The following MYO5C variants were observed in gnomAD, a reference collection of about 807,000 sequenced individuals.
The protein encoded by MYO5C is unconventional myosin-Vc.
In MYO5C, 194 loss-of-function variants were observed where a neutral mutation model predicts 235.7. That is an observed-to-expected ratio of 0.82 (90% confidence interval 0.73 to 0.93). The LOEUF is 0.93. Among genes scored for constraint, MYO5C ranks in the 40% least tolerant of loss-of-function variants. The pLI, the probability that MYO5C is intolerant of heterozygous loss-of-function variation, is 0.00. For missense variants in MYO5C, 2,038 were observed against 2,127.2 expected (o/e 0.96, Z 0.82); for synonymous variants, 707 against 754.8 (o/e 0.94, Z 1.04).
rs369722659 is a variant in MYO5C at position 52,225,205 on chromosome 15, C to T, written c.3302-67G>A. ...TGATTTATCTTTTCCCATTCCCTTT[C>T]CAGGGCCCAGTTTTCTAGCTTCACA... On this transcript the variant is annotated intron_variant, in intron 26 of 40. Coordinates refer to ENST00000261839, the MANE Select transcript of MYO5C (RefSeq NM_018728.4). 10 of 1,547,162 alleles carry T rather than the reference C, an allele frequency of 6.5e-6. No individual in the cohort carries two copies. The South Asian group carries it at 9.1e-5, about 14-fold the overall frequency.
intron 1 of MYO5C, among the ~76,000 whole-genome samples, chr15:52,289,634 A>T (rs1448112208): frequency 6.7e-6 from 1 of 148,914 alleles, no homozygotes; most frequent in East Asian, 2.0e-4. Context: ...TCCTCTCTTG[A>T]CTGGTGCAGC....
chr15:52,248,612 T>C (rs998352314), intron 14 of MYO5C, 88 bp downstream of exon 14: 1 of 941,180 alleles, frequency 1.1e-6, no homozygotes, highest in Non-Finnish European at 1.7e-6. Context: ...ACACACTCTC[T>C]CTCTCTCTCT....
chr15:52,197,058 G>T (rs1183887113), intron 38 of MYO5C, among the ~76,000 whole-genome samples: 1 of 152,180 alleles, frequency 6.6e-6, no homozygotes, highest in Non-Finnish European at 1.5e-5. Flanking sequence ...AAATGGTACA[G>T]CTGTTGTGGA....
rs778951391 is a variant in MYO5C at position 52,242,151 on chromosome 15, C to G, written c.2453G>C (p.Cys818Ser). ...CAGGCTGCGAACAAGATACCCGCGG[C>G]AGTGCTTCTGAATGATTATGGCTGC... is the stretch of plus-strand genomic sequence containing the variant. ...AWAAIIIQKHCRGYLVRSLYQ... is the reference protein window; with the variant it reads ...AWAAIIIQKHSRGYLVRSLYQ... The change falls in exon 20 of 41, where the codon TGC (cysteine) becomes TCC (serine). Residue 818 changes from cysteine to serine, a missense_variant. Cys to Ser is a moderately radical substitution (Grantham distance 112). Transcript: ENST00000261839. 5.6e-6 allele frequency: 9 copies of G among 1,614,164 alleles called. No homozygotes were observed. The South Asian group carries it at 9.9e-5, about 18-fold the overall frequency.
At chr15:52,222,606 T>TG (rs1471560564) in intron 29 of MYO5C, among the ~76,000 whole-genome samples, 1 of 151,356 alleles carries the variant, frequency 6.6e-6, no homozygotes. Context: ...CAGCCAGTGG[T>TG]GGGGACACAC....
chr15:52,257,113 C>G (rs1365499829), intron 10 of MYO5C, among the ~76,000 whole-genome samples: 1 of 152,354 alleles, frequency 6.6e-6, no homozygotes, highest in African/African-American at 2.4e-5. Flanking sequence ...TGCGAAGCTG[C>G]CTGACTGTGA....
At chr15:52,256,579 A>ACGCG (rs1434146230) in intron 11 of MYO5C, 60 bp downstream of exon 11, 1 of 950,538 alleles carries the variant, frequency 1.1e-6, no homozygotes, top group African/African-American at 1.9e-5. Context: ...ACACACACAC[A>ACGCG]CACACACACG....
intron 24 of MYO5C, 54 bp from the exon 25 acceptor site, chr15:52,229,367 G>A (rs2035900605): frequency 2.6e-6 from 4 of 1,559,680 alleles, no homozygotes; most frequent in South Asian, 2.3e-5. Flanking sequence ...GCTGAAACCT[G>A]TAATCCCAGC....
rs758308869 is a variant in MYO5C, at chr15:52,295,674, C to A, written c.-38G>T. On this transcript the variant is annotated 5_prime_UTR_variant, in exon 1 of 41. Coordinates refer to ENST00000261839, the MANE Select transcript of MYO5C (RefSeq NM_018728.4). Reference sequence around the variant, plus strand: ...CCGGGGCCAGGCCGGGGCTGCCGAACGTGCGAGGCTCGGGGGCTGGGCCTG... The same window carrying A: ...CCGGGGCCAGGCCGGGGCTGCCGAAAGTGCGAGGCTCGGGGGCTGGGCCTG... 1.4e-6 allele frequency: 2 copies of A among 1,380,944 alleles called. No homozygotes were observed. Among genetic ancestry groups the A allele is most frequent in the Non-Finnish European group, 1.9e-6 (2 of 1,062,470 alleles). The allele number at this position is 1,380,944 out of a possible 1,614,324, so 85.5% of individuals were successfully genotyped here. A position where few individuals can be genotyped will look rare whatever the true frequency, so the allele number is the denominator to read the frequency against.
rs2035897136 is a variant in MYO5C, at chr15:52,229,263, ATCTGC to A, written c.3072_3076del (p.Lys1024AsnfsTer9). The A allele has an allele frequency of 6.2e-7, 1 of 1,614,198 alleles. No homozygotes were observed. The highest frequency in any genetic ancestry group is 8.5e-7 in the Non-Finnish European group (1 of 1,180,036). Reference sequence around the variant, plus strand: ...TTTAATTTCTTCTTTCAAAGACTGAATCTGCTTCTCATAGTCTTGTGTTTTCAGTT... The same window carrying A: ...TTTAATTTCTTCTTTCAAAGACTGAATTCTCATAGTCTTGTGTTTTCAGTT... On this transcript the variant is annotated frameshift_variant, in exon 25 of 41. Transcript: ENST00000261839. LOFTEE classifies it high-confidence loss of function.
intron 1 of MYO5C, among the ~76,000 whole-genome samples, chr15:52,290,313 A>AGTAGTT (rs1306289424): frequency 2.6e-5 from 4 of 152,038 alleles, no homozygotes; most frequent in Admixed American, 1.3e-4. Flanking sequence ...AACTACCCAT[A>AGTAGTT]CATAATACAA....
intron 4 of MYO5C, among the ~76,000 whole-genome samples, 158 bp downstream of exon 4, chr15:52,278,715 T>C (rs1169581853): frequency 6.6e-6 from 1 of 152,148 alleles, no homozygotes; most frequent in African/African-American, 2.4e-5. Flanking sequence ...GGAACAGTCG[T>C]TTGCTATTCA....
intron 1 of MYO5C, among the ~76,000 whole-genome samples, chr15:52,286,378 C>T (rs1430276912): frequency 3.9e-5 from 6 of 151,916 alleles, no homozygotes; most frequent in Non-Finnish European, 7.4e-5. Context: ...CGCCTCTGCC[C>T]GGCCGCCCCT....
chr15:52,272,543 G>A, intron 6 of MYO5C, 37 bp downstream of exon 6: 1 of 1,604,044 alleles, frequency 6.2e-7, no homozygotes, highest in Non-Finnish European at 8.5e-7. Flanking sequence ...TGTAAATAAT[G>A]CTCAAAAAGT....
chr15:52,207,271 G>A (rs2035342696), intron 36 of MYO5C, among the ~76,000 whole-genome samples: 1 of 152,190 alleles, frequency 6.6e-6, no homozygotes, highest in Admixed American at 6.5e-5. Context: ...TTCTATACAT[G>A]GCTGAAGGGG....
chr15:52,248,607 C>T, intron 14 of MYO5C, 93 bp downstream of exon 14: 1 of 689,928 alleles, frequency 1.4e-6, no homozygotes, highest in Non-Finnish European at 2.4e-6. Flanking sequence ...CACACACACA[C>T]TCTCTCTCTC....
intron 10 of MYO5C, among the ~76,000 whole-genome samples, chr15:52,258,741 T>A (rs1380051832): frequency 6.6e-6 from 1 of 152,188 alleles, no homozygotes; most frequent in Non-Finnish European, 1.5e-5. Flanking sequence ...AACTCAAGGG[T>A]GGCAGCAAAC....
At chr15:52,266,305 G>A (rs1325923178) in intron 8 of MYO5C, among the ~76,000 whole-genome samples, 1 of 152,220 alleles carries the variant, frequency 6.6e-6, no homozygotes, top group South Asian at 2.1e-4. Flanking sequence ...TGAGGTCCCA[G>A]GGACAGCCTG....
rs373973509 is a variant in MYO5C at position 52,211,834 on chromosome 15, G to A, written c.4192C>T (p.His1398Tyr). The A allele has an allele frequency of 2.5e-6, 4 of 1,614,150 alleles. No individual in the cohort carries two copies. Among genetic ancestry groups the A allele is most frequent in the Non-Finnish European group, 2.5e-6 (3 of 1,179,996 alleles). Residue 1398 changes from histidine to tyrosine, a missense_variant, in exon 35 of 41, where the codon CAT (histidine) becomes TAT (tyrosine). By Grantham distance (83) the His-to-Tyr change is moderately conservative (BLOSUM62 2). Coordinates refer to ENST00000261839, the MANE Select transcript of MYO5C (RefSeq NM_018728.4). ...TAGCGCACACACATGAACAGGATATGAGCCGGCAGCCCGGGGATCATGTTC... is the reference window on the plus strand; with the variant it reads ...TAGCGCACACACATGAACAGGATATAAGCCGGCAGCCCGGGGATCATGTTC... ...VVNMIPGLPA[H>Y]ILFMCVRYAD...
Sources: gnomAD v4.1 joint callset for allele counts (sites outside exome capture counted in the v4.1 genomes callset) on GRCh38, gnomAD v4.1.1 for gene constraint, MANE v1.5 for transcripts, NCBI Gene and HGNC (gene_info 2026-07-23, HGNC 2026-07-21) for gene names.